Variants in ZFR observed in about 807,000 individuals in gnomAD.
ZFR encodes the protein zinc finger RNA binding protein, also known as zinc finger RNA-binding protein.
In ZFR, 19 loss-of-function variants were observed where a neutral mutation model predicts 130.7. The ratio of observed to expected loss-of-function variants is 0.15; its 90% confidence interval spans 0.10 to 0.21. The LOEUF is 0.21. ZFR is among the 10% of genes least tolerant of loss of function. The pLI, the probability that ZFR is intolerant of heterozygous loss-of-function variation, is 1.00. For missense variants in ZFR, 872 were observed against 1,321.5 expected, an observed-to-expected ratio of 0.66 and a Z score of 5.27; for synonymous variants, 466 against 456.9, an observed-to-expected ratio of 1.02 and a Z score of -0.25.
chr5:32,365,116 T>G, intron 17 of ZFR, among the ~76,000 whole-genome samples: 1 of 152,224 alleles, frequency 6.6e-6, no homozygotes, highest in East Asian at 1.9e-4. Context: ...TGTGTTTGAC[T>G]TCTCTCACTT....
chr5:32,415,241 T>C (rs1753792488), intron 4 of ZFR, 54 bp from the exon 5 acceptor site: 3 of 1,408,650 alleles, frequency 2.1e-6, no homozygotes, highest in Non-Finnish European at 2.9e-6. Context: ...CTATAGTTAC[T>C]GTACCAGTAT....
At chr5:32,370,116 T>G (rs1752629515) in intron 17 of ZFR, among the ~76,000 whole-genome samples, 1 of 142,648 alleles carries the variant, frequency 7.0e-6, no homozygotes, top group Non-Finnish European at 1.5e-5. Flanking sequence ...TTTTTTGAGA[T>G]AGGGTCTCAC....
intron 17 of ZFR, among the ~76,000 whole-genome samples, chr5:32,377,214 T>TTCTCTC (rs143572606): frequency 6.8e-5 from 10 of 147,496 alleles, no homozygotes; most frequent in South Asian, 2.2e-4. Context: ...TTATTTCTCT[T>TTCTCTC]TCTCTCTCTC....
chr5:32,368,779 C>CAT (rs1752600657), intron 17 of ZFR, among the ~76,000 whole-genome samples: 1 of 152,206 alleles, frequency 6.6e-6, no homozygotes, highest in South Asian at 2.1e-4. Context: ...TAAGTCTTCA[C>CAT]ATATATTAAC....
chr5:32,386,234 T>C (rs911156771), intron 14 of ZFR, among the ~76,000 whole-genome samples: 2 of 152,084 alleles, frequency 1.3e-5, no homozygotes, highest in Non-Finnish European at 2.9e-5. Flanking sequence ...GATGCGATGA[T>C]AGACAAATTA....
chr5:32,424,001 G>C (rs928721518), intron 2 of ZFR, among the ~76,000 whole-genome samples: 1 of 152,124 alleles, frequency 6.6e-6, no homozygotes, highest in African/African-American at 2.4e-5. Flanking sequence ...CCTTTTCTTA[G>C]GAAGCTACAT....
chr5:32,378,973 T>TCCC, intron 17 of ZFR, 142 bp downstream of exon 17: 1 of 560,568 alleles, frequency 1.8e-6, no homozygotes, highest in Non-Finnish European at 3.1e-6. Flanking sequence ...ATTCTAAGAC[T>TCCC]CCCCCAGGAT....
chr5:32,372,354 TA>T (rs753278136), intron 17 of ZFR, among the ~76,000 whole-genome samples: 7 of 152,246 alleles, frequency 4.6e-5, no homozygotes, highest in Admixed American at 1.3e-4. Context: ...GTAACAAACA[TA>T]CTACTCTAGT....
intron 14 of ZFR, 34 bp downstream of exon 14, chr5:32,387,515 A>C (rs778080458): frequency 6.2e-7 from 1 of 1,604,148 alleles, no homozygotes; most frequent in Non-Finnish European, 8.5e-7. Flanking sequence ...TGAACCAGAC[A>C]AGGGGTAAAA....
At chr5:32,439,121 G>A (rs1382271302) in intron 2 of ZFR, among the ~76,000 whole-genome samples, 2 of 152,186 alleles carry the variant, frequency 1.3e-5, no homozygotes, top group South Asian at 2.1e-4. Flanking sequence ...CAGTGTAATA[G>A]CAACAATCCT....
chr5:32,409,150 T>C (rs2111791032), intron 5 of ZFR, among the ~76,000 whole-genome samples: 1 of 152,328 alleles, frequency 6.6e-6, no homozygotes, highest in East Asian at 1.9e-4. Flanking sequence ...TCTTTGCCCA[T>C]CCATTACCAC....
intron 9 of ZFR, among the ~76,000 whole-genome samples, chr5:32,397,810 T>C (rs576710615): frequency 6.7e-6 from 1 of 149,026 alleles, no homozygotes; most frequent in African/African-American, 2.4e-5. Flanking sequence ...GTTGGAATTT[T>C]AGCATGCAAG....
intron 15 of ZFR, chr5:32,380,409 C>G: frequency 5.7e-6 from 2 of 353,128 alleles, no homozygotes; most frequent in Non-Finnish European, 1.1e-5. Flanking sequence ...CCCTACCCAC[C>G]AAAACGAAAT....
rs758594313 is a variant in ZFR, at chr5:32,388,455, C to T, written c.2348+14G>A. 1 of 1,610,602 alleles carries T rather than the reference C, an allele frequency of 6.2e-7. No homozygotes were observed. Among genetic ancestry groups the T allele is most frequent in the Non-Finnish European group, 8.5e-7 (1 of 1,177,948 alleles). ...AACCAAAATTACACATGGTAAATAA[C>T]TTTCAAAACACACCTGTCTTTACCT... On this transcript the variant is annotated intron_variant, in intron 13 of 19. Coordinates refer to ENST00000265069, the MANE Select transcript of ZFR (RefSeq NM_016107.5).
chr5:32,401,598 A>G (rs777466390), intron 8 of ZFR, among the ~76,000 whole-genome samples: 1 of 152,234 alleles, frequency 6.6e-6, no homozygotes, highest in Non-Finnish European at 1.5e-5. Context: ...CACAGGTAGC[A>G]TGGATGAGTT....
chr5:32,390,559 C>T lies in ZFR; in HGVS notation c.1980-122G>A, dbSNP rs937569787. On this transcript the variant is annotated intron_variant, in intron 11 of 19. Coordinates refer to ENST00000265069, the MANE Select transcript of ZFR (RefSeq NM_016107.5). ...AACATCAGCCTAGCTAAAATTTCTT[C>T]CCAAATGTATCTGATTTTCCATGTT... 3 of 951,370 alleles carry T rather than the reference C, an allele frequency of 3.2e-6. No homozygotes were observed. The African/African-American group carries it at 4.9e-5, about 16-fold the overall frequency. The allele number at this position is 951,370 out of a possible 1,614,324, so 58.9% of individuals were successfully genotyped here.
At chr5:32,414,351 A>C (rs1209048858) in intron 5 of ZFR, among the ~76,000 whole-genome samples, 1 of 152,242 alleles carries the variant, frequency 6.6e-6, no homozygotes, top group East Asian at 1.9e-4. Context: ...TGTGATCTTA[A>C]TCACTGTGAA....
chr5:32,444,607 C>G lies in ZFR; in HGVS notation c.37+15G>C. 3 of 1,483,652 alleles carry G rather than the reference C, an allele frequency of 2.0e-6. No homozygotes were observed. The highest frequency in any genetic ancestry group is 2.7e-6 in the Non-Finnish European group (3 of 1,118,240). The allele number at this position is 1,483,652 out of a possible 1,614,324, so 91.9% of individuals were successfully genotyped here. On this transcript the variant is annotated intron_variant, in intron 1 of 19. Coordinates refer to ENST00000265069, the MANE Select transcript of ZFR (RefSeq NM_016107.5). ...GGGGGCCGGGCAGAGGCCTCGCGGG[C>G]CACATTAGACTCACCATAGGTGAAA...
chr5:32,358,484 C>A (rs1041137646), intron 19 of ZFR, among the ~76,000 whole-genome samples: 1 of 152,130 alleles, frequency 6.6e-6, no homozygotes, highest in Non-Finnish European at 1.5e-5. Flanking sequence ...CACGGTGAAA[C>A]CCCGTCTCTA....
Sources: allele counts gnomAD v4.1 joint callset (sites outside exome capture counted in the v4.1 genomes callset), GRCh38; gene constraint gnomAD v4.1.1; transcripts MANE v1.5; gene names NCBI Gene and HGNC (gene_info 2026-07-23, HGNC 2026-07-21).